The following SAMD3 variants were observed in gnomAD, a reference collection of about 807,000 sequenced individuals.
SAMD3 encodes sterile alpha motif domain-containing protein 3.
In SAMD3, 63 loss-of-function variants were observed where a neutral mutation model predicts 58.5. That is an observed-to-expected ratio of 1.08 (90% CI 0.88 to 1.33). SAMD3 has a LOEUF of 1.33. Ranked by LOEUF, SAMD3 falls within the 40% of genes most tolerant of loss-of-function variation. The pLI, the probability that SAMD3 is intolerant of heterozygous loss-of-function variation, is 0.00. For synonymous variants in SAMD3, 220 were observed against 210.3 expected (o/e 1.05, Z -0.40); for missense variants, 604 against 608.4 (o/e 0.99, Z 0.08).
At chr6:130,160,326 C>T (rs1399732699) in intron 8 of SAMD3, 2 of 152,128 alleles carry the variant, frequency 1.3e-5, no homozygotes, top group Non-Finnish European at 2.9e-5. Context: ...AACTGAACAA[C>T]CTGGATGAAT....
chr6:130,362,391 G>A (rs560840122), intron 1 of SAMD3, among the ~76,000 whole-genome samples: 168 of 152,296 alleles, frequency 1.1e-3, no homozygotes, highest in Middle Eastern at 0.01. Flanking sequence ...CATGGACAGT[G>A]GAACAGGTGG....
Position 130,337,045 on chromosome 6 carries a change from A to G in SAMD3, c.-303-23952T>C, listed in dbSNP as rs187571680. ...GTTGGTTTCCACCATCATCAGCAGT[A>G]CCGTTTGCACTGAGTACAGCTGGGT... is the stretch of plus-strand genomic sequence containing the variant. On this transcript the variant is annotated intron_variant, in intron 1 of 13. Transcript: ENST00000368134. Among the ~76,000 whole-genome samples, 4 of 152,312 alleles carry G rather than the reference A, an allele frequency of 2.6e-5. No homozygotes were observed. In the East Asian group the frequency reaches 7.7e-4, roughly 29 times the overall value.
intron 7 of SAMD3, among the ~76,000 whole-genome samples, chr6:130,180,287 A>ATTTT (rs56155412): frequency 1.0e-4 from 7 of 69,418 alleles, no homozygotes; most frequent in African/African-American, 3.0e-4. Context: ...TACCTGGCTA[A>ATTTT]TTTTTTTTTT....
intron 2 of SAMD3, chr6:130,215,588 G>A: frequency 7.4e-7 from 1 of 1,353,242 alleles, no homozygotes; most frequent in Non-Finnish European, 9.5e-7. Flanking sequence ...AGACAGCCAG[G>A]GACATACAAT....
chr6:130,198,742 G>T (rs569238642), intron 5 of SAMD3, among the ~76,000 whole-genome samples: 15 of 152,248 alleles, frequency 9.9e-5, no homozygotes, highest in East Asian at 3.9e-4. Context: ...AACACAAAAG[G>T]TATCTGAGAA....
intron 2 of SAMD3, among the ~76,000 whole-genome samples, chr6:130,245,938 A>T (rs898864831): frequency 6.6e-6 from 1 of 152,166 alleles, no homozygotes; most frequent in African/African-American, 2.4e-5. Context: ...GGTGCAATAG[A>T]AATTTCAATA....
intron 1 of SAMD3, among the ~76,000 whole-genome samples, chr6:130,344,487 T>C (rs1777379852): frequency 6.6e-6 from 1 of 152,178 alleles, no homozygotes; most frequent in African/African-American, 2.4e-5. Context: ...GTTAAATTCA[T>C]TCTCCTGCCT....
In SAMD3 at chr6:130,209,490, C is replaced by A. The variant is rs1582933580; in HGVS notation, c.383+5G>T. 6.5e-7 allele frequency: 1 copy of A among 1,530,258 alleles called. No individual in the cohort carries two copies. Among genetic ancestry groups the A allele is most frequent in the Non-Finnish European group, 9.1e-7 (1 of 1,104,316 alleles). 94.8% of individuals were successfully genotyped at this position (1,530,258 alleles called of 1,614,324 possible). ...TTTAAACTGTCTTAAAGTTGGTACCCCCACCTCTGTTTCAATACTCTTTGG... is the reference window on the plus strand; with the variant it reads ...TTTAAACTGTCTTAAAGTTGGTACCACCACCTCTGTTTCAATACTCTTTGG... On this transcript the variant is annotated splice_donor_5th_base_variant and intron_variant, in intron 5 of 11. Coordinates refer to ENST00000439090, the MANE Select transcript of SAMD3 (RefSeq NM_001017373.4).
chr6:130,357,352 C>T (rs952537603), intron 1 of SAMD3, among the ~76,000 whole-genome samples: 4 of 152,056 alleles, frequency 2.6e-5, no homozygotes, highest in African/African-American at 9.7e-5. Context: ...TCTTGATCTC[C>T]TGACCTCATG....
intron 1 of SAMD3, among the ~76,000 whole-genome samples, chr6:130,338,974 G>A (rs900475620): frequency 6.6e-5 from 10 of 152,122 alleles, no homozygotes; most frequent in African/African-American, 2.4e-4. Context: ...TAAAAAGGAT[G>A]TGAGATTTGG....
intron 2 of SAMD3, among the ~76,000 whole-genome samples, chr6:130,293,363 T>C (rs1377012019): frequency 6.6e-6 from 1 of 152,176 alleles, no homozygotes; most frequent in Non-Finnish European, 1.5e-5. Context: ...CTCACAAGTA[T>C]CCTTGACCCA....
At chr6:130,351,649 C>T (rs897875108) in intron 1 of SAMD3, among the ~76,000 whole-genome samples, 1 of 152,082 alleles carries the variant, frequency 6.6e-6, no homozygotes, top group Non-Finnish European at 1.5e-5. Flanking sequence ...CTAGTTCACC[C>T]ATTGTGGAAG....
At chr6:130,314,752 G>C (rs6909844) in intron 1 of SAMD3, among the ~76,000 whole-genome samples, 64,359 of 151,586 alleles carry the variant, frequency 0.42, 15,205 homozygotes, top group African/African-American at 0.64. Flanking sequence ...GTAAAATTCC[G>C]TCAATAGGGG....
chr6:130,307,524 T>C (rs1775948125), intron 2 of SAMD3, among the ~76,000 whole-genome samples: 1 of 152,192 alleles, frequency 6.6e-6, no homozygotes, highest in African/African-American at 2.4e-5. Flanking sequence ...AGAATATTGA[T>C]TTAAGAAACT....
rs115481721 is a variant in SAMD3, at chr6:130,352,388, C to G, written c.-304+12732G>C. Among the ~76,000 whole-genome samples, 1,172 of 152,194 alleles carry G rather than the reference C, an allele frequency of 7.7e-3. 15 individuals carry two copies. Among genetic ancestry groups the G allele is most frequent in the African/African-American group, 0.023 (947 of 41,522 alleles). On this transcript the variant is annotated intron_variant, in intron 1 of 13. Coordinates refer to the SAMD3 transcript ENST00000368134. ...ATTAAAACTCAAGTATGCCTCACAA[C>G]TTAAGGAGTTTTGAATTGGAACTTC...
Position 130,180,943 on chromosome 6 carries a change from T to C in SAMD3, c.654+3160A>G, listed in dbSNP as rs951283336. On this transcript the variant is annotated intron_variant, in intron 7 of 11. Transcript: ENST00000439090. ...GAAACTTTTCTTTTCTTTTTTCTTT[T>C]TCTTTCTTTCTTTTTTCTTTTGAGA... Among the ~76,000 whole-genome samples, 4 of 37,350 alleles carry C rather than the reference T, an allele frequency of 1.1e-4. No homozygotes were observed. The East Asian group carries it at 0.011, about 100-fold the overall frequency. 24.5% of individuals were successfully genotyped at this position (37,350 alleles called of 152,430 possible).
intron 2 of SAMD3, among the ~76,000 whole-genome samples, chr6:130,273,381 T>C (rs192735459): frequency 1.3e-5 from 2 of 152,272 alleles, no homozygotes; most frequent in East Asian, 1.9e-4. Context: ...AGCCTATGTG[T>C]ATCCTTAAAT....
intron 1 of SAMD3, among the ~76,000 whole-genome samples, chr6:130,314,205 A>C (rs888320007): frequency 9.2e-5 from 14 of 151,886 alleles, no homozygotes; most frequent in Non-Finnish European, 1.6e-4. Context: ...TACAAAAAAC[A>C]CTCTTTTCAT....
At chr6:130,260,824 G>T (rs1173394443) in intron 2 of SAMD3, among the ~76,000 whole-genome samples, 1 of 152,202 alleles carries the variant, frequency 6.6e-6, no homozygotes, top group Non-Finnish European at 1.5e-5. Context: ...TCAACGCAGT[G>T]GCTGAACACC....
Sources: allele counts gnomAD v4.1 joint callset (sites outside exome capture counted in the v4.1 genomes callset), GRCh38; gene constraint gnomAD v4.1.1; transcripts MANE v1.5; gene names NCBI Gene and HGNC (gene_info 2026-07-23, HGNC 2026-07-21).